Variants in PTPRG observed in about 807,000 individuals in gnomAD.
The protein encoded by PTPRG is protein tyrosine phosphatase receptor type G.
Under a neutral mutation model 165.3 loss-of-function variants are expected in PTPRG, and 102 were observed. That is an observed-to-expected ratio of 0.62 (90% CI 0.53 to 0.73). The LOEUF (loss-of-function observed/expected upper bound fraction) is 0.73. PTPRG is among the 30% of genes least tolerant of loss of function. The pLI is 0.00. For synonymous variants in PTPRG, 675 were observed against 669.5 expected, an observed-to-expected ratio of 1.01 and a Z score of -0.13; for missense variants, 1,866 against 1,861.4, an observed-to-expected ratio of 1.00 and a Z score of -0.05.
At chr3:61,997,920 G>T (rs2041077847) in intron 3 of PTPRG, among the ~76,000 whole-genome samples, 1 of 152,148 alleles carries the variant, frequency 6.6e-6, no homozygotes, top group Non-Finnish European at 1.5e-5. Context: ...GTGGTCTGGG[G>T]ATCCCATCAT....
chr3:62,288,577 G>A (rs1468488855), intron 28 of PTPRG, among the ~76,000 whole-genome samples: 3 of 151,804 alleles, frequency 2.0e-5, no homozygotes, highest in Non-Finnish European at 2.9e-5. Context: ...GGAGGCTGAG[G>A]CAGGAGAATC....
At chr3:61,970,731 C>G (rs2040363687) in intron 2 of PTPRG, among the ~76,000 whole-genome samples, 1 of 152,044 alleles carries the variant, frequency 6.6e-6, no homozygotes, top group Non-Finnish European at 1.5e-5. Flanking sequence ...ATCTTAAAGT[C>G]ACATTTAATT....
At chr3:61,621,420 A>T (rs544307503) in intron 1 of PTPRG, among the ~76,000 whole-genome samples, 45 of 152,348 alleles carry the variant, frequency 3.0e-4, no homozygotes, top group African/African-American at 1.1e-3. Flanking sequence ...TTTCAGCAGC[A>T]GTTCTTCTCC....
Position 61,708,443 on chromosome 3 carries a change from C to CTTTTTT in PTPRG, c.86-40412_86-40407dup, listed in dbSNP as rs61136954. ...CTAATGAACTGGGCTCTCTGCAAAT[C>CTTTTTT]TTTTTTTTTTTTTTTTTTTTTTTTT... On this transcript the variant is annotated intron_variant, in intron 1 of 29. Coordinates refer to ENST00000474889, the MANE Select transcript of PTPRG (RefSeq NM_002841.4). Among the ~76,000 whole-genome samples the CTTTTTT allele has an allele frequency of 1.4e-3, 105 of 75,918 alleles. 6 individuals carry two copies. Among genetic ancestry groups the CTTTTTT allele is most frequent in the Non-Finnish European group, 1.7e-3 (71 of 41,990 alleles). The allele number at this position is 75,918 out of a possible 152,430, so 49.8% of individuals were successfully genotyped here.
chr3:61,824,305 G>T (rs1042101519), intron 2 of PTPRG, among the ~76,000 whole-genome samples: 3 of 152,210 alleles, frequency 2.0e-5, no homozygotes, highest in Non-Finnish European at 4.4e-5. Flanking sequence ...TTTTGACTGA[G>T]AAGCCAGGTT....
At chr3:62,136,408 A>T (rs1703711553) in intron 6 of PTPRG, among the ~76,000 whole-genome samples, 1 of 152,198 alleles carries the variant, frequency 6.6e-6, no homozygotes, top group South Asian at 2.1e-4. Flanking sequence ...CAGAGAAGGG[A>T]TGCAGGCAGG....
intron 2 of PTPRG, among the ~76,000 whole-genome samples, chr3:61,760,725 T>C (rs1205747679): frequency 6.6e-6 from 1 of 152,224 alleles, no homozygotes; most frequent in Non-Finnish European, 1.5e-5. Flanking sequence ...AAGCCCAGCA[T>C]GCATTAGCTA....
At chr3:61,638,402 C>T (rs1428141733) in intron 1 of PTPRG, among the ~76,000 whole-genome samples, 4 of 151,876 alleles carry the variant, frequency 2.6e-5, no homozygotes, top group South Asian at 2.1e-4. Context: ...GTGAATTGTA[C>T]CAAACCCAAC....
intron 28 of PTPRG, among the ~76,000 whole-genome samples, chr3:62,289,658 G>T (rs865940218): frequency 6.8e-6 from 1 of 147,220 alleles, no homozygotes; most frequent in Non-Finnish European, 1.5e-5. Context: ...AAAAAAAATC[G>T]ATATTGAAAA....
intron 2 of PTPRG, among the ~76,000 whole-genome samples, chr3:61,907,913 G>T (rs2038697533): frequency 7.7e-6 from 1 of 129,684 alleles, no homozygotes; most frequent in Non-Finnish European, 1.5e-5. Context: ...ATCACTTGAG[G>T]CCAGGAGTTT....
chr3:61,808,607 C>A (rs985776765), intron 2 of PTPRG, among the ~76,000 whole-genome samples: 11 of 152,238 alleles, frequency 7.2e-5, no homozygotes, highest in African/African-American at 2.4e-4. Context: ...ATGTAGGACA[C>A]ACCATCCCTT....
chr3:61,577,900 G>T (rs1479529230), intron 1 of PTPRG, among the ~76,000 whole-genome samples: 1 of 152,212 alleles, frequency 6.6e-6, no homozygotes, highest in East Asian at 1.9e-4. Context: ...GGTATGTTAG[G>T]ATAGCAGGTT....
intron 2 of PTPRG, among the ~76,000 whole-genome samples, chr3:61,754,068 T>C (rs2033550478): frequency 1.3e-5 from 2 of 152,328 alleles, no homozygotes; most frequent in African/African-American, 4.8e-5. Flanking sequence ...AAATAGCTTC[T>C]AAGAATCAGT....
intron 1 of PTPRG, among the ~76,000 whole-genome samples, chr3:61,659,851 A>G (rs1050499967): frequency 1.3e-5 from 2 of 152,216 alleles, no homozygotes; most frequent in African/African-American, 2.4e-5. Flanking sequence ...GAAGAAATGA[A>G]TGGTTTTTTT....
At chr3:61,841,968 A>G (rs1438248344) in intron 2 of PTPRG, among the ~76,000 whole-genome samples, 3 of 152,248 alleles carry the variant, frequency 2.0e-5, no homozygotes, top group Non-Finnish European at 4.4e-5. Context: ...TATGACAGTC[A>G]TTGTAGATGG....
intron 2 of PTPRG, among the ~76,000 whole-genome samples, chr3:61,833,579 T>A (rs975260266): frequency 6.6e-6 from 1 of 152,132 alleles, no homozygotes; most frequent in African/African-American, 2.4e-5. Context: ...TTTTCTTTTT[T>A]TGGAGACAAG....
At chr3:62,010,688 A>T (rs1370187254) in intron 4 of PTPRG, among the ~76,000 whole-genome samples, 1 of 152,242 alleles carries the variant, frequency 6.6e-6, no homozygotes, top group East Asian at 1.9e-4. Flanking sequence ...AACTATAAAG[A>T]CATCTTGGCT....
rs73842150 is a variant in PTPRG at position 61,939,358 on chromosome 3, T to G, written c.191-50267T>G. Among the ~76,000 whole-genome samples, 477 of 152,194 alleles carry G rather than the reference T, an allele frequency of 3.1e-3. 2 individuals carry two copies. Among genetic ancestry groups the G allele is most frequent in the African/African-American group, 0.011 (459 of 41,520 alleles). On this transcript the variant is annotated intron_variant, in intron 2 of 29. Coordinates refer to ENST00000474889, the MANE Select transcript of PTPRG (RefSeq NM_002841.4). The stretch of plus-strand genomic sequence containing the variant: ...AAAGAGGATGCTTACATAGCAAAAC[T>G]GAGTAAATATGCACAGGGCTCATAA...
chr3:61,664,144 AGAAGT>A (rs1156893709), intron 1 of PTPRG, among the ~76,000 whole-genome samples: 1 of 152,244 alleles, frequency 6.6e-6, no homozygotes, highest in Non-Finnish European at 1.5e-5. Context: ...GATGAATTCA[AGAAGT>A]GAACTGTTGG....
Sources: allele counts gnomAD v4.1 joint callset (sites outside exome capture counted in the v4.1 genomes callset), GRCh38; gene constraint gnomAD v4.1.1; transcripts MANE v1.5; gene names NCBI Gene and HGNC (gene_info 2026-07-23, HGNC 2026-07-21).